Variants in SGPP2 observed in about 807,000 individuals in gnomAD.
SGPP2 encodes the protein sphingosine-1-phosphate phosphatase 2.
A neutral mutation model predicts 33.9 loss-of-function variants in SGPP2; 30 were observed. That is an observed-to-expected ratio of 0.89 (90% CI 0.66 to 1.20). The LOEUF (loss-of-function observed/expected upper bound fraction) is 1.20, where lower values mean the gene tolerates loss of function less well. Among genes scored for constraint, SGPP2 ranks in the 50% most tolerant of loss-of-function variants. SGPP2 has a pLI of 0.00. For missense variants in SGPP2, 458 were observed against 532.1 expected (o/e 0.86, Z 1.37); for synonymous variants, 233 against 225.0 (o/e 1.04, Z -0.32).
At chr2:222,433,792 G>A (rs1224811654) in intron 1 of SGPP2, among the ~76,000 whole-genome samples, 1 of 152,170 alleles carries the variant, frequency 6.6e-6, no homozygotes, top group Non-Finnish European at 1.5e-5. Flanking sequence ...TCTTCTGATG[G>A]ATGCCATGAA....
chr2:222,489,688 G>C (rs1264363054), intron 2 of SGPP2, among the ~76,000 whole-genome samples: 1 of 152,106 alleles, frequency 6.6e-6, no homozygotes, highest in Non-Finnish European at 1.5e-5. Context: ...TCTGTGGGCG[G>C]TGTGCGGTGA....
chr2:222,547,007 T>C (rs1010914558), intron 4 of SGPP2, among the ~76,000 whole-genome samples: 2 of 152,098 alleles, frequency 1.3e-5, no homozygotes, highest in African/African-American at 4.8e-5. Flanking sequence ...AATTAGAACC[T>C]GCATTTTAAC....
At chr2:222,494,736 G>A (rs921855388) in intron 2 of SGPP2, among the ~76,000 whole-genome samples, 2 of 152,222 alleles carry the variant, frequency 1.3e-5, no homozygotes, top group East Asian at 3.8e-4. Flanking sequence ...ACTAGTCACT[G>A]TAAGATATAT....
rs752912858 is a variant in SGPP2 at position 222,550,114 on chromosome 2, G to A, written c.649-8233G>A. ...AGACTGGTCCTGAACTCGTGACCTC[G>A]TGATCCACCCGCCTCGGCCTCCCAA... On this transcript the variant is annotated intron_variant, in intron 4 of 4. Transcript: ENST00000321276. This position sits in a 1 kb window ranked among gnomAD's most constrained non-coding sequence, Gnocchi z 4.5. Among the ~76,000 whole-genome samples, 39 of 151,966 alleles carry A rather than the reference G, an allele frequency of 2.6e-4. No individual in the cohort carries two copies. Among genetic ancestry groups the A allele is most frequent in the African/African-American group, 9.2e-4 (38 of 41,376 alleles).
chr2:222,424,412 G>C, upstream of SGPP2: 1 of 204,998 alleles, frequency 4.9e-6, no homozygotes, highest in Non-Finnish European at 9.4e-6. Flanking sequence ...GACGCGTTGC[G>C]CAAGGTGGAG....
At chr2:222,472,874 C>T (rs1040608055) in intron 1 of SGPP2, among the ~76,000 whole-genome samples, 1 of 152,098 alleles carries the variant, frequency 6.6e-6, no homozygotes, top group Non-Finnish European at 1.5e-5. Context: ...ATAAGCCAGG[C>T]ATGGTGGTGC....
chr2:222,447,974 A>C (rs984441680), intron 1 of SGPP2, among the ~76,000 whole-genome samples: 1 of 152,326 alleles, frequency 6.6e-6, no homozygotes, highest in South Asian at 2.1e-4. Flanking sequence ...TATCTCCAAC[A>C]CCACGAAGCA....
At chr2:222,540,892 A>G (rs1698986157) in intron 4 of SGPP2, among the ~76,000 whole-genome samples, 1 of 135,916 alleles carries the variant, frequency 7.4e-6, no homozygotes, top group Admixed American at 8.8e-5. Context: ...ATCTCAGCTC[A>G]CTGCAGCCTC....
intron 2 of SGPP2, chr2:222,503,780 G>A (rs1269608571): frequency 6.6e-6 from 1 of 152,156 alleles, no homozygotes; most frequent in Admixed American, 6.5e-5. Flanking sequence ...GGTTCTCAAT[G>A]TGTTGGGGTG....
chr2:222,436,371 A>G (rs1697240630), intron 1 of SGPP2, among the ~76,000 whole-genome samples: 1 of 152,160 alleles, frequency 6.6e-6, no homozygotes, highest in Admixed American at 6.5e-5. Context: ...ATTCCTGGAA[A>G]CATGAATTTT....
chr2:222,486,651 G>A (rs897457354), intron 2 of SGPP2, among the ~76,000 whole-genome samples: 3 of 152,120 alleles, frequency 2.0e-5, no homozygotes, highest in African/African-American at 4.8e-5. Context: ...ATTCTTGAGC[G>A]AAGTGTAGGC....
At chr2:222,553,344 G>T (rs1689329956) in intron 4 of SGPP2, among the ~76,000 whole-genome samples, 1 of 152,196 alleles carries the variant, frequency 6.6e-6, no homozygotes, top group Non-Finnish European at 1.5e-5. Context: ...AATTGTATTA[G>T]GCATATTTGG....
In SGPP2 at chr2:222,474,739, A is replaced by G. The variant is rs1224120924; in HGVS notation, c.378+13A>G. On this transcript the variant is annotated intron_variant, in intron 2 of 4. Coordinates refer to ENST00000321276, the MANE Select transcript of SGPP2 (RefSeq NM_152386.4). ...CATCATATGGGTTGTAAGTATTATTACTACTCATTAACTGATGCTACTTCT... is the reference window on the plus strand; with the variant it reads ...CATCATATGGGTTGTAAGTATTATTGCTACTCATTAACTGATGCTACTTCT... 27 of 1,599,118 alleles carry G rather than the reference A, an allele frequency of 1.7e-5. No individual in the cohort carries two copies. Among genetic ancestry groups the G allele is most frequent in the Non-Finnish European group, 2.1e-5 (25 of 1,169,142 alleles).
chr2:222,495,824 C>G (rs1301559623), intron 2 of SGPP2, among the ~76,000 whole-genome samples: 1 of 152,176 alleles, frequency 6.6e-6, no homozygotes, highest in Non-Finnish European at 1.5e-5. Context: ...TTGACTTGAC[C>G]AAACTCTAAT....
chr2:222,548,474 C>A (rs538365393), intron 4 of SGPP2, among the ~76,000 whole-genome samples: 2 of 152,322 alleles, frequency 1.3e-5, no homozygotes, highest in East Asian at 3.9e-4. Flanking sequence ...AAAGTCTTCT[C>A]TTTCCACACC....
chr2:222,491,274 A>G (rs1223348045), intron 2 of SGPP2, among the ~76,000 whole-genome samples: 5 of 152,196 alleles, frequency 3.3e-5, no homozygotes, highest in Admixed American at 1.3e-4. Context: ...AGCTGGGACT[A>G]CAGATAGCTA....
intron 1 of SGPP2, among the ~76,000 whole-genome samples, chr2:222,443,456 A>T (rs1378797047): frequency 3.9e-5 from 6 of 152,122 alleles, no homozygotes; most frequent in Non-Finnish European, 8.8e-5. Context: ...TAGCTCCCAC[A>T]TATAAGTGAG....
intron 1 of SGPP2, among the ~76,000 whole-genome samples, chr2:222,459,439 C>G (rs1697626096): frequency 1.3e-5 from 2 of 152,222 alleles, no homozygotes; most frequent in Admixed American, 1.3e-4. Context: ...CATGAGCCAC[C>G]ACATCTAGCA....
intron 1 of SGPP2, among the ~76,000 whole-genome samples, chr2:222,467,850 A>G (rs1336922951): frequency 2.0e-5 from 3 of 149,334 alleles, no homozygotes; most frequent in African/African-American, 7.4e-5. Context: ...AGAGTTGCAG[A>G]TTACCATCCC....
Sources: gnomAD v4.1 joint callset for allele counts (sites outside exome capture counted in the v4.1 genomes callset) on GRCh38, gnomAD v4.1.1 for gene constraint, Gnocchi (gnomAD v3.1) non-coding constraint, MANE v1.5 for transcripts, NCBI Gene and HGNC (gene_info 2026-07-23, HGNC 2026-07-21) for gene names.